PLCXD3: variants seen among roughly 807,000 people sequenced by gnomAD.
PLCXD3 encodes the protein PI-PLC X domain-containing protein 3.
A neutral mutation model predicts 25.5 loss-of-function variants in PLCXD3; 19 were observed. That is an observed-to-expected ratio of 0.75 (90% confidence interval 0.52 to 1.09). The LOEUF (loss-of-function observed/expected upper bound fraction) is 1.09, where lower values mean the gene tolerates loss of function less well. PLCXD3 is among the 50% of genes least tolerant of loss of function. The probability of loss-of-function intolerance (pLI) is 0.00; values close to 1 mark genes in which losing one functional copy is unlikely to be tolerated. For missense variants in PLCXD3, 411 were observed against 388.1 expected (o/e 1.06, Z -0.50); for synonymous variants, 174 against 137.6 (o/e 1.26, Z -1.85).
At chr5:41,338,909 C>T (rs192030347) in intron 2 of PLCXD3, among the ~76,000 whole-genome samples, 1 of 152,202 alleles carries the variant, frequency 6.6e-6, no homozygotes, top group Non-Finnish European at 1.5e-5. Flanking sequence ...GCAATGTTCT[C>T]ACTTGGGTGT....
At chr5:41,487,949 G>C (rs1748556933) in intron 1 of PLCXD3, among the ~76,000 whole-genome samples, 1 of 150,888 alleles carries the variant, frequency 6.6e-6, no homozygotes, top group Admixed American at 6.6e-5. Context: ...CAAGTTTTAG[G>C]GTACATGTGC....
intron 1 of PLCXD3, among the ~76,000 whole-genome samples, chr5:41,415,426 T>C (rs1746671007): frequency 6.6e-6 from 1 of 152,212 alleles, no homozygotes; most frequent in Admixed American, 6.5e-5. Context: ...TCCACTTTGG[T>C]ACATCTTTGA....
At chr5:41,334,034 G>T (rs1447249511) in intron 2 of PLCXD3, among the ~76,000 whole-genome samples, 7 of 152,138 alleles carry the variant, frequency 4.6e-5, no homozygotes, top group African/African-American at 1.4e-4. Flanking sequence ...TATTCTGTGT[G>T]CTGAGGACAC....
chr5:41,368,714 A>C (rs183222560), intron 2 of PLCXD3, among the ~76,000 whole-genome samples: 43 of 152,262 alleles, frequency 2.8e-4, no homozygotes, highest in Admixed American at 2.6e-3. Flanking sequence ...AGATTCCTTC[A>C]ATACCTAATT....
At chr5:41,375,766 C>T (rs1486878899) in intron 2 of PLCXD3, among the ~76,000 whole-genome samples, 2 of 152,102 alleles carry the variant, frequency 1.3e-5, no homozygotes, top group East Asian at 3.9e-4. Flanking sequence ...TCCAAGATGA[C>T]AGAGAATGTA....
Position 41,312,001 on chromosome 5 carries a change from A to G in PLCXD3, c.*1616T>C, listed in dbSNP as rs1249532772. 6.6e-6 allele frequency: 1 copy of G among 152,604 alleles called. No homozygotes were observed. Among genetic ancestry groups the G allele is most frequent in the Non-Finnish European group, 1.5e-5 (1 of 68,024 alleles). 9.5% of individuals were successfully genotyped at this position (152,604 alleles called of 1,614,324 possible). A position where few individuals can be genotyped will look rare whatever the true frequency, so the allele number is the denominator to read the frequency against. ...TCTAAACATGAAAATAAAATAATTA[A>G]TAATTGTAAGAATTTCATCAAATTT... On this transcript the variant is annotated 3_prime_UTR_variant, in exon 3 of 3. Coordinates refer to ENST00000377801, the MANE Select transcript of PLCXD3 (RefSeq NM_001005473.3).
chr5:41,445,341 A>G (rs1315341628), intron 1 of PLCXD3, among the ~76,000 whole-genome samples: 1 of 152,192 alleles, frequency 6.6e-6, no homozygotes, highest in African/African-American at 2.4e-5. Context: ...CCTGGCTTCA[A>G]AATCAGAAAT....
intron 2 of PLCXD3, among the ~76,000 whole-genome samples, chr5:41,366,807 C>A (rs532869816): frequency 6.6e-6 from 1 of 152,142 alleles, no homozygotes; most frequent in Non-Finnish European, 1.5e-5. Context: ...TGCACTCTCC[C>A]GTGCCCCAGT....
At chr5:41,355,351 C>T (rs1744588221) in intron 2 of PLCXD3, among the ~76,000 whole-genome samples, 1 of 152,206 alleles carries the variant, frequency 6.6e-6, no homozygotes, top group Non-Finnish European at 1.5e-5. Context: ...TAGAACAACA[C>T]TTTTCCAACT....
intron 1 of PLCXD3, among the ~76,000 whole-genome samples, chr5:41,434,260 T>A (rs1202600366): frequency 6.6e-6 from 1 of 152,218 alleles, no homozygotes; most frequent in East Asian, 1.9e-4. Flanking sequence ...GCCAAGTCAC[T>A]TGACCTCTCA....
chr5:41,379,516 A>G (rs2150491834), intron 2 of PLCXD3, among the ~76,000 whole-genome samples: 1 of 152,160 alleles, frequency 6.6e-6, no homozygotes, highest in South Asian at 2.1e-4. Context: ...TTGGGTCTCA[A>G]AGGCAATTGA....
intron 1 of PLCXD3, among the ~76,000 whole-genome samples, chr5:41,429,707 A>G (rs906644748): frequency 6.6e-6 from 1 of 152,162 alleles, no homozygotes; most frequent in Non-Finnish European, 1.5e-5. Flanking sequence ...GAAATATAGA[A>G]ATATGATAAG....
At chr5:41,372,610 C>T (rs997945678) in intron 2 of PLCXD3, among the ~76,000 whole-genome samples, 9 of 151,962 alleles carry the variant, frequency 5.9e-5, no homozygotes, top group African/African-American at 2.2e-4. Flanking sequence ...GGATGAACTC[C>T]CTCCTCTGTC....
Position 41,412,648 on chromosome 5 carries a change from A to G in PLCXD3, c.104-30114T>C, listed in dbSNP as rs201616289. Among the ~76,000 whole-genome samples, 52 of 152,326 alleles carry G rather than the reference A, an allele frequency of 3.4e-4. No individual in the cohort carries two copies. The East Asian group carries it at 6.4e-3, about 19-fold the overall frequency. ...TCTGCACCCCTCCGCCTCAGAAAAC[A>G]GGCATTTCTTGTTTCAGCCTTAATG... On this transcript the variant is annotated intron_variant, in intron 1 of 2. Transcript: ENST00000377801.
At chr5:41,387,850 CATAG>C (rs1220367440) in intron 1 of PLCXD3, among the ~76,000 whole-genome samples, 2 of 151,962 alleles carry the variant, frequency 1.3e-5, no homozygotes, top group African/African-American at 2.4e-5. Context: ...ATGTGATGCA[CATAG>C]ATAAATAATT....
At chr5:41,417,261 G>A (rs1365975355) in intron 1 of PLCXD3, among the ~76,000 whole-genome samples, 1 of 152,134 alleles carries the variant, frequency 6.6e-6, no homozygotes, top group Non-Finnish European at 1.5e-5. Flanking sequence ...TACTATCCTG[G>A]AGGAAGGTTC....
chr5:41,492,408 G>A (rs1445129834), intron 1 of PLCXD3, among the ~76,000 whole-genome samples: 2 of 151,954 alleles, frequency 1.3e-5, no homozygotes, highest in Non-Finnish European at 2.9e-5. Context: ...TGACAATTAT[G>A]TGTCTTGGAG....
Position 41,309,986 on chromosome 5 carries a change from ATGTGTGTGAAATGTGCATTC to A in PLCXD3, c.*3611_*3630del, listed in dbSNP as rs1743085493. ...CAGTTTCAACTTGAATAATAAGTAT[ATGTGTGTGAAATGTGCATTC>A]TGTGTGTGTGTGTAATGTGTGTATG... On this transcript the variant is annotated 3_prime_UTR_variant, in exon 3 of 3. Coordinates refer to ENST00000377801, the MANE Select transcript of PLCXD3 (RefSeq NM_001005473.3). 6.6e-6 allele frequency: 1 copy of A among 152,084 alleles called. No individual in the cohort carries two copies. Among genetic ancestry groups the A allele is most frequent in the Admixed American group, 6.6e-5 (1 of 15,252 alleles). 9.4% of individuals were successfully genotyped at this position (152,084 alleles called of 1,614,324 possible).
intron 1 of PLCXD3, among the ~76,000 whole-genome samples, chr5:41,500,103 A>G (rs1748920989): frequency 6.6e-6 from 1 of 151,914 alleles, no homozygotes; most frequent in African/African-American, 2.4e-5. Context: ...ATACATCAAA[A>G]AAACACCTGC....
Sources: gnomAD v4.1 joint callset for allele counts (sites outside exome capture counted in the v4.1 genomes callset) on GRCh38, gnomAD v4.1.1 for gene constraint, MANE v1.5 for transcripts, NCBI Gene and HGNC (gene_info 2026-07-23, HGNC 2026-07-21) for gene names.